The following GRID2 variants were observed in gnomAD, a reference collection of about 807,000 sequenced individuals.
GRID2 encodes the protein glutamate receptor ionotropic, delta-2.
Under a neutral mutation model 114.8 loss-of-function variants are expected in GRID2, and 33 were observed. The observed-to-expected ratio is 0.29, with a 90% CI of 0.22 to 0.38. The LOEUF is 0.38. Among genes scored for constraint, GRID2 ranks in the 10% least tolerant of loss-of-function variants. The pLI is 1.00. For synonymous variants in GRID2, 505 were observed against 449.9 expected (o/e 1.12, Z -1.55); for missense variants, 1,184 against 1,257.7 (o/e 0.94, Z 0.89).
intron 8 of GRID2, among the ~76,000 whole-genome samples, chr4:93,390,131 A>G (rs1381088176): frequency 6.6e-6 from 1 of 152,174 alleles, no homozygotes; most frequent in African/African-American, 2.4e-5. Flanking sequence ...TTGGCTATAC[A>G]TTGGAATTAC....
chr4:93,338,322 C>T (rs1759295575), intron 8 of GRID2, among the ~76,000 whole-genome samples: 1 of 151,824 alleles, frequency 6.6e-6, no homozygotes. Flanking sequence ...TATATCAAGC[C>T]CTTATATGCG....
intron 14 of GRID2, among the ~76,000 whole-genome samples, chr4:93,702,915 G>A (rs935415391): frequency 6.6e-6 from 1 of 152,014 alleles, no homozygotes; most frequent in Non-Finnish European, 1.5e-5. Context: ...ATGAAGCAAG[G>A]AGAGGAATAA....
At chr4:93,653,423 G>A (rs1420134732) in intron 14 of GRID2, among the ~76,000 whole-genome samples, 1 of 152,124 alleles carries the variant, frequency 6.6e-6, no homozygotes, top group Non-Finnish European at 1.5e-5. Flanking sequence ...ACCCGAGAAT[G>A]CTAAATTAAT....
chr4:93,562,554 G>T (rs565540360), intron 13 of GRID2, among the ~76,000 whole-genome samples: 24 of 152,086 alleles, frequency 1.6e-4, no homozygotes, highest in Middle Eastern at 3.4e-3. Flanking sequence ...ATGAAGTCCA[G>T]TTTATCAATT....
intron 4 of GRID2, among the ~76,000 whole-genome samples, chr4:93,200,541 G>C (rs1273784694): frequency 6.7e-6 from 1 of 150,294 alleles, no homozygotes; most frequent in African/African-American, 2.5e-5. Context: ...ACTCCAGCCT[G>C]GGCGACAGAG....
At chr4:92,670,521 T>C (rs182553442) in intron 2 of GRID2, among the ~76,000 whole-genome samples, 55 of 152,196 alleles carry the variant, frequency 3.6e-4, no homozygotes, top group Admixed American at 6.6e-5. Flanking sequence ...TAGGTAAACA[T>C]TGGCTTCATG....
At chr4:92,979,972 G>A (rs1670570740) in intron 2 of GRID2, among the ~76,000 whole-genome samples, 1 of 152,116 alleles carries the variant, frequency 6.6e-6, no homozygotes. Flanking sequence ...TATCACTACA[G>A]TGTAATTTAA....
chr4:93,631,357 C>A (rs1720841337), intron 14 of GRID2, among the ~76,000 whole-genome samples: 1 of 152,114 alleles, frequency 6.6e-6, no homozygotes, highest in South Asian at 2.1e-4. Context: ...CTAATGCTAT[C>A]CCTCCCCACT....
At chr4:93,553,755 A>G (rs1734016997) in intron 13 of GRID2, among the ~76,000 whole-genome samples, 1 of 152,200 alleles carries the variant, frequency 6.6e-6, no homozygotes, top group Non-Finnish European at 1.5e-5. Context: ...TAGTACATTT[A>G]TGAGAAAAAG....
At chr4:92,999,244 A>G (rs868519310) in intron 2 of GRID2, among the ~76,000 whole-genome samples, 1 of 151,910 alleles carries the variant, frequency 6.6e-6, no homozygotes, top group African/African-American at 2.4e-5. Context: ...AACATGTATG[A>G]CATTTGTAAT....
intron 2 of GRID2, among the ~76,000 whole-genome samples, chr4:92,919,658 G>A (rs1405232516): frequency 7.9e-5 from 12 of 152,122 alleles, no homozygotes; most frequent in East Asian, 1.9e-4. Flanking sequence ...GTAGTTGAGC[G>A]GTTTTGAGTG....
intron 14 of GRID2, among the ~76,000 whole-genome samples, chr4:93,660,431 C>T (rs1408874850): frequency 1.3e-5 from 2 of 151,844 alleles, no homozygotes; most frequent in Non-Finnish European, 2.9e-5. Context: ...CAGAGAGGTA[C>T]GATTTAATTC....
chr4:93,358,967 C>A (rs756902133), intron 8 of GRID2, among the ~76,000 whole-genome samples: 13 of 151,970 alleles, frequency 8.6e-5, no homozygotes, highest in Non-Finnish European at 1.9e-4. Flanking sequence ...ACTCAATTAG[C>A]AGTTTAAGTA....
intron 2 of GRID2, among the ~76,000 whole-genome samples, chr4:92,941,809 C>T (rs765922611): frequency 9.2e-5 from 14 of 152,188 alleles, no homozygotes; most frequent in East Asian, 3.9e-4. Flanking sequence ...TTTATTTCTG[C>T]GTTCATTTTT....
intron 1 of GRID2, among the ~76,000 whole-genome samples, chr4:93,795,098 C>A (rs1342834593): frequency 6.6e-6 from 1 of 151,946 alleles, no homozygotes; most frequent in Non-Finnish European, 1.5e-5. Context: ...AGACAAAAAA[C>A]TAAGAGATAC....
At chr4:93,251,885 C>A (rs1187459193) in intron 8 of GRID2, among the ~76,000 whole-genome samples, 1 of 152,120 alleles carries the variant, frequency 6.6e-6, no homozygotes, top group African/African-American at 2.4e-5. Context: ...ATATGTACCA[C>A]ATGGGCATTT....
intron 2 of GRID2, among the ~76,000 whole-genome samples, chr4:92,933,296 TAGG>T (rs1750385719): frequency 1.3e-5 from 2 of 151,326 alleles, no homozygotes; most frequent in South Asian, 2.1e-4. Context: ...TGTAAGATAT[TAGG>T]AGAAGTTTGT....
At chr4:93,626,158 A>G (rs1192774125) in intron 13 of GRID2, 111 bp from the exon 14 acceptor site, 2 of 609,246 alleles carry the variant, frequency 3.3e-6, no homozygotes, top group African/African-American at 1.9e-5. Flanking sequence ...ATGTTCTATT[A>G]TTTTTAGCAT....
chr4:93,156,649 A>G (rs186014274), intron 4 of GRID2, among the ~76,000 whole-genome samples: 5 of 151,844 alleles, frequency 3.3e-5, no homozygotes, highest in African/African-American at 1.2e-4. Context: ...AGAGATGGAT[A>G]CTTTGGCAAG....
Sources: allele counts gnomAD v4.1 joint callset (sites outside exome capture counted in the v4.1 genomes callset), GRCh38; gene constraint gnomAD v4.1.1; transcripts MANE v1.5; gene names NCBI Gene and HGNC (gene_info 2026-07-23, HGNC 2026-07-21).